Variants in FTCD observed in about 807,000 individuals in gnomAD.
FTCD encodes the protein formimidoyltransferase cyclodeaminase.
A neutral mutation model predicts 62.9 loss-of-function variants in FTCD; 76 were observed. The ratio of observed to expected loss-of-function variants is 1.21; its 90% confidence interval spans 1.00 to 1.46. The LOEUF is 1.46. FTCD is among the 40% of genes most tolerant of loss of function. The pLI, the probability that FTCD is intolerant of heterozygous loss-of-function variation, is 0.00. For missense variants in FTCD, 845 were observed against 751.3 expected (o/e 1.12, Z -1.46); for synonymous variants, 397 against 336.9 (o/e 1.18, Z -1.95).
rs373870465 is a variant in FTCD, at chr21:46,144,379, C to G, written c.1260+1038G>C. Among the ~76,000 whole-genome samples, 495 of 139,370 alleles carry G rather than the reference C, an allele frequency of 3.6e-3. 2 individuals are homozygous for G. The highest frequency in any genetic ancestry group is 5.2e-3 in the Non-Finnish European group (333 of 63,720). The allele number at this position is 139,370 out of a possible 152,430, so 91.4% of individuals were successfully genotyped here. A position where few individuals can be genotyped will look rare whatever the true frequency, so the allele number is the denominator to read the frequency against. ...CCCCTACACCTCTCTCCCCTCTCTC[C>G]CTCTCTCTCCCTCCCTCTCTCTCCA... is the stretch of plus-strand genomic sequence containing the variant. On this transcript the variant is annotated intron_variant, in intron 10 of 13. Transcript: ENST00000397746.
chr21:46,138,586 C>T lies in FTCD; in HGVS notation c.1365G>A (p.Ala455=), dbSNP rs773933014. The change falls in exon 12 of 14, where the codon GCG becomes GCA. Residue 455 remains alanine, a synonymous_variant. Transcript: ENST00000397746. Reference sequence around the variant, plus strand: ...CCGGCCACAGCGAGGCCACCGTCTCCGCCAGCGTCAGCGGCACAGAGACTG... The same window carrying T: ...CCGGCCACAGCGAGGCCACCGTCTCTGCCAGCGTCAGCGGCACAGAGACTG... ...RRAVSVPLTL[A]ETVASLWPAL... is the part of the protein sequence containing the mutation. 31 of 1,589,642 alleles carry T rather than the reference C, an allele frequency of 2.0e-5. No homozygotes were observed. Among genetic ancestry groups the T allele is most frequent in the South Asian group, 1.8e-4 (16 of 89,334 alleles).
chr21:46,136,616 G>T (rs956392306), downstream of FTCD: 2 of 1,506,318 alleles, frequency 1.3e-6, no homozygotes. Context: ...GGCTGCACTG[G>T]GTGTCTGGGG....
intron 8 of FTCD, 143 bp downstream of exon 8, chr21:46,146,123 G>C (rs1433598483): frequency 2.6e-6 from 2 of 755,630 alleles, no homozygotes; most frequent in East Asian, 2.7e-5. Context: ...CCAGACCCCG[G>C]CTTGGCGCAG....
At chr21:46,137,923 G>A (rs897622207) in intron 12 of FTCD, among the ~76,000 whole-genome samples, 2 of 152,152 alleles carry the variant, frequency 1.3e-5, no homozygotes, top group African/African-American at 4.8e-5. Flanking sequence ...TTGACCCAGG[G>A]TCTTGCTCTG....
rs541436447 is a variant in FTCD, at chr21:46,137,350, G to A, written c.1444-16C>T. On this transcript the variant is annotated splice_polypyrimidine_tract_variant and intron_variant, in intron 12 of 13. Coordinates refer to ENST00000397746, the MANE Select transcript of FTCD (RefSeq NM_206965.2). ...TGGCCGCCACCTGCAAGGACCCCAG[G>A]GAGCCCCTACATGGATCAAGGCTGA... 6.3e-7 allele frequency: 1 copy of A among 1,599,798 alleles called. No individual in the cohort carries two copies. Among genetic ancestry groups the A allele is most frequent in the Admixed American group, 1.7e-5 (1 of 60,008 alleles).
intron 10 of FTCD, 123 bp downstream of exon 10, chr21:46,145,294 C>T (rs2079113087): frequency 2.5e-6 from 2 of 790,138 alleles, no homozygotes; most frequent in Non-Finnish European, 4.0e-6. Flanking sequence ...GTGGTGACGC[C>T]CTCAGGCCCC....
At position 46,138,437 on chromosome 21, in the gene FTCD, C is replaced by A. The variant is rs552332184; in HGVS notation, c.1443+71G>T. On this transcript the variant is annotated intron_variant, in intron 12 of 13. Coordinates refer to ENST00000397746, the MANE Select transcript of FTCD (RefSeq NM_206965.2). ...TCAGCCCAGCCAACCACCGTGCTCT[C>A]CAGCAACTCAGCCCCAACAGCTGCT... 654 of 1,458,692 alleles carry A rather than the reference C, an allele frequency of 4.5e-4. 1 individual carries two copies. Among genetic ancestry groups the A allele is most frequent in the South Asian group, 1.3e-3 (110 of 82,704 alleles). The allele number at this position is 1,458,692 out of a possible 1,614,324, so 90.4% of individuals were successfully genotyped here. A position where few individuals can be genotyped will look rare whatever the true frequency, so the allele number is the denominator to read the frequency against.
chr21:46,154,442 C>T, intron 1 of FTCD, 110 bp from the exon 2 acceptor site: 2 of 1,346,308 alleles, frequency 1.5e-6, no homozygotes, highest in Non-Finnish European at 2.1e-6. Context: ...GGAGGCGGGC[C>T]AAGCCTTTGG....
At chr21:46,137,206 G>A (rs769334914) in intron 13 of FTCD, 33 bp downstream of exon 13, 3 of 1,581,150 alleles carry the variant, frequency 1.9e-6, no homozygotes, top group South Asian at 1.1e-5. Context: ...GCCCCCACGT[G>A]GGGTCCGGGC....
intron 4 of FTCD, 62 bp from the exon 5 acceptor site, chr21:46,151,799 C>T (rs897062504): frequency 1.3e-6 from 2 of 1,597,722 alleles, no homozygotes; most frequent in Middle Eastern, 2.1e-4. Context: ...CCCCCGGGGT[C>T]CCGGGAAGGA....
At chr21:46,142,867 TAG>T (rs2079052763) in intron 10 of FTCD, 1 of 152,260 alleles carries the variant, frequency 6.6e-6, no homozygotes, top group South Asian at 2.1e-4. Context: ...AACCTTTAGC[TAG>T]ACACAGAGCA....
intron 7 of FTCD, among the ~76,000 whole-genome samples, chr21:46,149,733 C>T (rs1020427332): frequency 2.0e-5 from 3 of 152,180 alleles, no homozygotes; most frequent in Non-Finnish European, 4.4e-5. Context: ...GGAGCCGCTC[C>T]GTGGATGGGG....
intron 10 of FTCD, chr21:46,142,825 G>A (rs72555348): frequency 6.6e-6 from 1 of 152,328 alleles, no homozygotes; most frequent in South Asian, 2.1e-4. Flanking sequence ...TGATTGGTCC[G>A]TTTTTAAAGA....
Position 46,138,603 on chromosome 21 carries a change from C to T in FTCD, c.1348G>A (p.Val450Met). The change falls in exon 12 of 14, where the codon GTG becomes ATG. Residue 450 changes from valine (V) to methionine (M), a missense_variant. Physicochemically the swap from Val to Met is conservative, Grantham distance 21 (BLOSUM62 1). Transcript: ENST00000397746. ...LQEGLRRAVS[V>M]PLTLAETVAS... ...ACCGTCTCCGCCAGCGTCAGCGGCACAGAGACTGCCCGCCTCAGACCCTCC... is the reference window on the plus strand; with the variant it reads ...ACCGTCTCCGCCAGCGTCAGCGGCATAGAGACTGCCCGCCTCAGACCCTCC... 6.3e-7 allele frequency: 1 copy of T among 1,591,902 alleles called. No individual in the cohort carries two copies. Among genetic ancestry groups the T allele is most frequent in the Non-Finnish European group, 8.5e-7 (1 of 1,176,182 alleles).
rs145609043 is a variant in FTCD, at chr21:46,137,330, G to T, written c.1448C>A (p.Ala483Glu). Residue 483 changes from alanine to glutamate, a missense_variant, in exon 13 of 14, where the codon GCG becomes GAG. Physicochemically the swap from Ala to Glu is moderately radical, Grantham distance 107. Coordinates refer to ENST00000397746, the MANE Select transcript of FTCD (RefSeq NM_206965.2). ...NLACRSDLQV[A>E]AKALEMGVFG... is the part of the protein sequence containing the mutation. ...CACGCCCATCTCCAGGGCTTTGGCC[G>T]CCACCTGCAAGGACCCCAGGGAGCC... 6.2e-7 allele frequency: 1 copy of T among 1,612,432 alleles called. No individual in the cohort carries two copies. Among genetic ancestry groups the T allele is most frequent in the Non-Finnish European group, 8.5e-7 (1 of 1,178,978 alleles).
At chr21:46,136,450 G>C, downstream of FTCD, 1 of 1,612,622 alleles carries the variant, frequency 6.2e-7, no homozygotes, top group South Asian at 1.1e-5. Flanking sequence ...CCTGGGAAGC[G>C]AGGCTATCCT....
intron 10 of FTCD, 43 bp downstream of exon 10, chr21:46,145,374 C>T (rs1483618637): frequency 6.7e-7 from 1 of 1,496,284 alleles, no homozygotes; most frequent in Non-Finnish European, 9.0e-7. Flanking sequence ...TGGGGGTTCG[C>T]TGTTGGTGGG....
rs896738205 is a variant in FTCD, at chr21:46,152,618, T to C, written c.367+289A>G. ...ATATCATTTTCTTGATTTAGTTAAT[T>C]TCCCAAAGTGAAATTATTCTGCTCT... On this transcript the variant is annotated intron_variant, in intron 3 of 13. Transcript: ENST00000397746. The C allele has an allele frequency of 4.1e-5, 14 of 344,514 alleles. No homozygotes were observed. The South Asian group carries it at 8.1e-4, about 20-fold the overall frequency. The allele number at this position is 344,514 out of a possible 1,614,324, so 21.3% of individuals were successfully genotyped here. A position where few individuals can be genotyped will look rare whatever the true frequency, so the allele number is the denominator to read the frequency against.
intron 10 of FTCD, among the ~76,000 whole-genome samples, chr21:46,139,319 G>A (rs1197327508): frequency 6.6e-6 from 1 of 152,170 alleles, no homozygotes; most frequent in Non-Finnish European, 1.5e-5. Context: ...GGCTCAGACT[G>A]TGCAGAAGGA....
Sources: allele counts gnomAD v4.1 joint callset (sites outside exome capture counted in the v4.1 genomes callset), GRCh38; gene constraint gnomAD v4.1.1; transcripts MANE v1.5; gene names NCBI Gene and HGNC (gene_info 2026-07-23, HGNC 2026-07-21).